SRD5A2: variants seen among roughly 807,000 people sequenced by gnomAD.
The protein encoded by SRD5A2 is steroid 5 alpha-reductase 2, also known as 3-oxo-5-alpha-steroid 4-dehydrogenase 2.
In SRD5A2, 30 loss-of-function variants were observed where a neutral mutation model predicts 27.4. The ratio of observed to expected loss-of-function variants is 1.10; its 90% CI spans 0.82 to 1.49. The LOEUF is 1.49. Among genes scored for constraint, SRD5A2 ranks in the 40% most tolerant of loss-of-function variants. SRD5A2 has a pLI of 0.00. For synonymous variants in SRD5A2, 141 were observed against 133.6 expected, an observed-to-expected ratio of 1.06 and a Z score of -0.38; for missense variants, 348 against 323.4, an observed-to-expected ratio of 1.08 and a Z score of -0.58.
chr2:31,602,547 G>GA, the SRD5A2 span, among the ~76,000 whole-genome samples: 12 of 151,982 alleles, frequency 7.9e-5, no homozygotes, highest in African/African-American at 1.4e-4. Context: ...CACAGAATTA[G>GA]AAAAAACTAT....
At chr2:31,537,146 CT>C (rs1288690062) in intron 1 of SRD5A2, among the ~76,000 whole-genome samples, 4 of 152,202 alleles carry the variant, frequency 2.6e-5, no homozygotes, top group Admixed American at 2.0e-4. Context: ...CAATTGAAGA[CT>C]TTTCACTATA....
chr2:31,636,261 T>A, the SRD5A2 span, among the ~76,000 whole-genome samples: 1 of 152,080 alleles, frequency 6.6e-6, no homozygotes, highest in African/African-American at 2.4e-5. Flanking sequence ...CTTATTTGGC[T>A]AGACTGATTC....
At chr2:31,654,593 T>A in the SRD5A2 span, among the ~76,000 whole-genome samples, 1 of 152,154 alleles carries the variant, frequency 6.6e-6, no homozygotes, top group Non-Finnish European at 1.5e-5. Context: ...AGCAGTAACA[T>A]CTGGCAATCT....
intron 1 of SRD5A2, among the ~76,000 whole-genome samples, chr2:31,570,616 C>A (rs974363671): frequency 2.6e-5 from 4 of 152,098 alleles, no homozygotes; most frequent in African/African-American, 9.7e-5. Context: ...TGATTCTATA[C>A]CTGGAACACC....
At chr2:31,620,287 T>C in the SRD5A2 span, among the ~76,000 whole-genome samples, 6 of 152,152 alleles carry the variant, frequency 3.9e-5, no homozygotes, top group South Asian at 1.2e-3. Context: ...AAGACAAGGA[T>C]GCCCTCACTC....
Position 31,525,380 on chromosome 2 carries a change from A to G in SRD5A2, c.*816T>C, listed in dbSNP as rs1187395593. On this transcript the variant is annotated 3_prime_UTR_variant, in exon 5 of 5. Transcript: ENST00000622030. ...AAAAACATGAGAGTTTGCAATGTCT[A>G]TTGTAAAACTGTTCTCTATCCTCTT... The G allele has an allele frequency of 8.8e-6, 2 of 226,854 alleles. No homozygotes were observed. Among genetic ancestry groups the G allele is most frequent in the African/African-American group, 2.2e-5 (1 of 44,994 alleles). 14.1% of individuals were successfully genotyped at this position (226,854 alleles called of 1,614,324 possible).
At chr2:31,612,383 G>A in the SRD5A2 span, among the ~76,000 whole-genome samples, 1 of 151,148 alleles carries the variant, frequency 6.6e-6, no homozygotes, top group Admixed American at 6.6e-5. Flanking sequence ...CACTAACAGT[G>A]AACTATCCAA....
rs544966167 is a variant in SRD5A2 at position 31,537,294 on chromosome 2, C to T, written c.282-3528G>A. 2.6e-4 allele frequency among the ~76,000 whole-genome samples: 39 copies of T among 152,244 alleles called. No individual in the cohort carries two copies. The South Asian group carries it at 7.5e-3, about 29-fold the overall frequency. On this transcript the variant is annotated intron_variant, in intron 1 of 4. Coordinates refer to ENST00000622030, the MANE Select transcript of SRD5A2 (RefSeq NM_000348.4). Reference sequence around the variant, plus strand: ...CTGTAACCTTGTTCATCTACTACTCCATTTTCCTGCTTTCCTTTATAGCAA... The same window carrying T: ...CTGTAACCTTGTTCATCTACTACTCTATTTTCCTGCTTTCCTTTATAGCAA...
intron 1 of SRD5A2, among the ~76,000 whole-genome samples, chr2:31,557,464 A>C (rs917983918): frequency 6.6e-6 from 1 of 152,244 alleles, no homozygotes; most frequent in Admixed American, 6.5e-5. Flanking sequence ...AACTCAGTAA[A>C]ACCATAATTT....
the SRD5A2 span, among the ~76,000 whole-genome samples, chr2:31,592,013 A>G: frequency 2.7e-5 from 4 of 150,610 alleles, no homozygotes; most frequent in Admixed American, 2.6e-4. Flanking sequence ...GGTGCAGCAC[A>G]CCAACATGGC....
chr2:31,526,242 T>A lies in SRD5A2; in HGVS notation c.719A>T (p.Glu240Val). 1 of 1,587,202 alleles carries A rather than the reference T, an allele frequency of 6.3e-7. No homozygotes were observed. Reference sequence around the variant, plus strand: ...GGCTTTCCGAGATTTGGGGTAGTCCTCAAACATCTTGAGGTAGAACCTAAA... The same window carrying A: ...GGCTTTCCGAGATTTGGGGTAGTCCACAAACATCTTGAGGTAGAACCTAAA... Reference protein sequence around the residue: ...HHHRFYLKMFEDYPKSRKALI... With the variant: ...HHHRFYLKMFVDYPKSRKALI... The change falls in exon 5 of 5, where the codon GAG (glutamate) becomes GTG (valine). Residue 240 changes from glutamate (E) to valine (V), a missense_variant. Physicochemically the swap from Glu to Val is moderately radical, Grantham distance 121 (BLOSUM62 -2). Coordinates refer to ENST00000622030, the MANE Select transcript of SRD5A2 (RefSeq NM_000348.4).
At chr2:31,526,619 T>C (rs749882102) in intron 4 of SRD5A2, among the ~76,000 whole-genome samples, 9 of 152,248 alleles carry the variant, frequency 5.9e-5, no homozygotes, top group Non-Finnish European at 1.2e-4. Flanking sequence ...AGGTACTTGT[T>C]TGGATTCAGC....
chr2:31,615,937 G>A, the SRD5A2 span, among the ~76,000 whole-genome samples: 1 of 152,182 alleles, frequency 6.6e-6, no homozygotes, highest in Non-Finnish European at 1.5e-5. Flanking sequence ...TACAGCTCAG[G>A]CCATGGTTTC....
At chr2:31,659,100 A>T in the SRD5A2 span, among the ~76,000 whole-genome samples, 1 of 152,082 alleles carries the variant, frequency 6.6e-6, no homozygotes, top group Non-Finnish European at 1.5e-5. Flanking sequence ...ACAGAACTAG[A>T]TGCAGAAAAC....
chr2:31,657,661 G>A, the SRD5A2 span, among the ~76,000 whole-genome samples: 1 of 149,378 alleles, frequency 6.7e-6, no homozygotes, highest in African/African-American at 2.4e-5. Flanking sequence ...TGAAAAATTG[G>A]CTATTTAAGG....
intron 1 of SRD5A2, among the ~76,000 whole-genome samples, chr2:31,570,005 G>A (rs1318776534): frequency 6.6e-6 from 1 of 152,018 alleles, no homozygotes; most frequent in Admixed American, 6.5e-5. Flanking sequence ...TGAGGAAGAG[G>A]GACTCCTCCC....
chr2:31,628,395 C>T, the SRD5A2 span, among the ~76,000 whole-genome samples: 39 of 152,084 alleles, frequency 2.6e-4, no homozygotes, highest in Non-Finnish European at 4.9e-4. Context: ...TCGAAGACAG[C>T]GTACCACTGG....
the SRD5A2 span, among the ~76,000 whole-genome samples, chr2:31,661,638 C>G: frequency 6.6e-6 from 1 of 152,142 alleles, no homozygotes; most frequent in East Asian, 1.9e-4. Context: ...GCAGTTGACT[C>G]TTACGTTATT....
chr2:31,636,180 G>T, the SRD5A2 span, among the ~76,000 whole-genome samples: 1 of 151,908 alleles, frequency 6.6e-6, no homozygotes, highest in Non-Finnish European at 1.5e-5. Flanking sequence ...GCATTGAGTA[G>T]CTTTCCATTT....
Sources: allele counts gnomAD v4.1 joint callset (sites outside exome capture counted in the v4.1 genomes callset), GRCh38; gene constraint gnomAD v4.1.1; transcripts MANE v1.5; gene names NCBI Gene and HGNC (gene_info 2026-07-23, HGNC 2026-07-21).